Variants in NLRP5 observed in about 807,000 individuals in gnomAD.
The protein encoded by NLRP5 is NACHT, LRR and PYD domains-containing protein 5.
NLRP5 carries 93 observed loss-of-function variants against 113.1 expected under a neutral mutation model. The observed-to-expected ratio is 0.82, with a 90% CI of 0.70 to 0.98. The LOEUF is 0.98. Among genes scored for constraint, NLRP5 ranks in the 50% least tolerant of loss-of-function variants. The probability of loss-of-function intolerance (pLI) is 0.00; values close to 1 mark genes in which losing one functional copy is unlikely to be tolerated. For synonymous variants in NLRP5, 751 were observed against 600.7 expected, an observed-to-expected ratio of 1.25 and a Z score of -3.66; for missense variants, 1,808 against 1,514.3, an observed-to-expected ratio of 1.19 and a Z score of -3.22.
rs76534455 is a variant in NLRP5 at position 56,021,983 on chromosome 19, G to A, written c.679+1552G>A. 2.1e-4 allele frequency among the ~76,000 whole-genome samples: 32 copies of A among 152,252 alleles called. No individual in the cohort carries two copies. In the East Asian group the frequency reaches 5.8e-3, roughly 28 times the overall value. ...TTGAGCTCTGAGACAGCTTCAAGCT[G>A]GGCTATTATCCCACCTGTGCAATGT... On this transcript the variant is annotated intron_variant, in intron 6 of 14. Transcript: ENST00000390649.
At chr19:56,020,882 T>G (rs1982586570) in intron 6 of NLRP5, among the ~76,000 whole-genome samples, 1 of 151,890 alleles carries the variant, frequency 6.6e-6, no homozygotes, top group Admixed American at 6.6e-5. Context: ...GCATTTTTTT[T>G]TTTTTTTTTG....
At chr19:56,050,686 T>C in intron 12 of NLRP5, 98 bp downstream of exon 12, 2 of 1,191,462 alleles carry the variant, frequency 1.7e-6, no homozygotes, top group East Asian at 4.9e-5. Context: ...AACCAAAAAC[T>C]GCTTTCAGGG....
intron 13 of NLRP5, among the ~76,000 whole-genome samples, chr19:56,054,707 T>A (rs1390395173): frequency 2.6e-5 from 4 of 152,090 alleles, no homozygotes; most frequent in Non-Finnish European, 5.9e-5. Context: ...AACAGTCAAG[T>A]TCGTACATAA....
chr19:56,005,255 TTA>T (rs938274084), intron 2 of NLRP5, among the ~76,000 whole-genome samples: 140 of 122,674 alleles, frequency 1.1e-3, no homozygotes, highest in Non-Finnish European at 1.6e-3. Context: ...ACATATATAT[TTA>T]TATATACACA....
chr19:56,031,354 A>AT lies in NLRP5; in HGVS notation c.2277-1255dup, dbSNP rs987222687. ...CAAAGTAGAATCATGAGCCCAGTGTATTGGTGGCTCACGCCTGTCATCCCA... is the reference window on the plus strand; with the variant it reads ...CAAAGTAGAATCATGAGCCCAGTGTATTTGGTGGCTCACGCCTGTCATCCCA... On this transcript the variant is annotated intron_variant, in intron 7 of 14. Transcript: ENST00000390649. Among the ~76,000 whole-genome samples, 31 of 151,988 alleles carry AT rather than the reference A, an allele frequency of 2.0e-4. 1 individual carries two copies. Among genetic ancestry groups the AT allele is most frequent in the Admixed American group, 7.2e-4 (11 of 15,244 alleles).
intron 9 of NLRP5, among the ~76,000 whole-genome samples, chr19:56,037,242 G>A (rs765732769): frequency 2.1e-4 from 32 of 152,120 alleles, no homozygotes; most frequent in Admixed American, 1.6e-3. Flanking sequence ...CCGGAAGCTC[G>A]TGCCCTTCAG....
At chr19:56,010,742 C>CCAAAAAAAAAA (rs1555764914) in intron 3 of NLRP5, among the ~76,000 whole-genome samples, 2 of 41,278 alleles carry the variant, frequency 4.8e-5, no homozygotes, top group African/African-American at 2.1e-4. Flanking sequence ...AACTCTGTCT[C>CCAAAAAAAAAA]AAAAAAAAAA....
rs1254585814 is a variant in NLRP5 at position 56,019,207 on chromosome 19, G to C, written c.566-135G>C. 4.2e-6 allele frequency: 4 copies of C among 961,944 alleles called. No individual in the cohort carries two copies. In the Admixed American group the frequency reaches 8.9e-5, roughly 21 times the overall value. 59.6% of individuals were successfully genotyped at this position (961,944 alleles called of 1,614,324 possible). ...TTGTACCAGTGCACTCTGTCTTCTA[G>C]CTGAGACAGTGGTTGCCATGTTTTC... On this transcript the variant is annotated intron_variant, in intron 4 of 14. Transcript: ENST00000390649.
In NLRP5 at chr19:56,036,252, A is replaced by G. The variant is rs182973995; in HGVS notation, c.2616-1773A>G. On this transcript the variant is annotated intron_variant, in intron 9 of 14. Coordinates refer to ENST00000390649, the MANE Select transcript of NLRP5 (RefSeq NM_153447.4). ...CTAATTTTTTTGTATTTTTTTAAGT[A>G]GAGACAGGGTTTCACCAGGTTAGCC... Among the ~76,000 whole-genome samples the G allele has an allele frequency of 4.8e-3, 733 of 151,704 alleles. 8 individuals carry two copies. The highest frequency in any genetic ancestry group is 0.017 in the African/African-American group (693 of 41,382).
chr19:56,027,911 G>C lies in NLRP5; in HGVS notation c.1678G>C (p.Glu560Gln). ...CATGGTTCAAGGACTCGGGGAGTCTGAGCTCCGTGCTCTGTTTCACATGAA... is the reference window on the plus strand; with the variant it reads ...CATGGTTCAAGGACTCGGGGAGTCTCAGCTCCGTGCTCTGTTTCACATGAA... Residue 560 changes from glutamate to glutamine, a missense_variant, in exon 7 of 15, where the codon GAG (glutamate) becomes CAG (glutamine). Transcript: ENST00000390649. 1 of 1,613,814 alleles carries C rather than the reference G, an allele frequency of 6.2e-7. No homozygotes were observed. The highest frequency in any genetic ancestry group is 8.5e-7 in the Non-Finnish European group (1 of 1,179,816).
intron 11 of NLRP5, among the ~76,000 whole-genome samples, chr19:56,043,294 C>A (rs1166140754): frequency 2.0e-5 from 3 of 151,996 alleles, no homozygotes; most frequent in African/African-American, 7.3e-5. Flanking sequence ...TTGATTATGG[C>A]CATTCTTGCA....
chr19:56,019,651 G>T (rs199475767), intron 5 of NLRP5, among the ~76,000 whole-genome samples: 1 of 152,014 alleles, frequency 6.6e-6, no homozygotes, highest in African/African-American at 2.4e-5. Flanking sequence ...TAGGGGACTC[G>T]AATCAATCAC....
At chr19:56,031,346 C>G (rs1442202422) in intron 7 of NLRP5, among the ~76,000 whole-genome samples, 5 of 152,046 alleles carry the variant, frequency 3.3e-5, no homozygotes, top group Admixed American at 3.3e-4. Context: ...GAATCATGAG[C>G]CCAGTGTATT....
intron 11 of NLRP5, among the ~76,000 whole-genome samples, chr19:56,042,862 T>G (rs549382113): frequency 6.6e-6 from 1 of 152,366 alleles, no homozygotes; most frequent in East Asian, 1.9e-4. Flanking sequence ...TGGTTTTCCA[T>G]TCCTGAGTTA....
Position 56,053,819 on chromosome 19 carries a change from G to A in NLRP5, c.3299+11G>A, listed in dbSNP as rs776651857. ...TCTGGCGAGACTCGGGTAACTTCCT[G>A]GGGCGCCTCTTTGCGGGCCGGGCTG... On this transcript the variant is annotated intron_variant, in intron 13 of 14. Transcript: ENST00000390649. The A allele has an allele frequency of 4.3e-6, 7 of 1,610,546 alleles. No homozygotes were observed. The highest frequency in any genetic ancestry group is 5.9e-6 in the Non-Finnish European group (7 of 1,177,482).
At chr19:56,005,989 C>T (rs1405985650) in intron 2 of NLRP5, among the ~76,000 whole-genome samples, 20 of 152,142 alleles carry the variant, frequency 1.3e-4, no homozygotes, top group Admixed American at 1.3e-3. Context: ...TAACATTCAT[C>T]TACCGTGGCA....
intron 6 of NLRP5, among the ~76,000 whole-genome samples, chr19:56,021,751 G>A (rs1982625574): frequency 6.6e-6 from 1 of 152,116 alleles, no homozygotes; most frequent in South Asian, 2.1e-4. Flanking sequence ...CTCACTTTGG[G>A]GCTGTTAACA....
chr19:55,991,182 C>T, the NLRP5 span, among the ~76,000 whole-genome samples: 1 of 152,060 alleles, frequency 6.6e-6, no homozygotes, highest in African/African-American at 2.4e-5. Context: ...TTATACCATT[C>T]GATTGAGACC....
intron 11 of NLRP5, among the ~76,000 whole-genome samples, chr19:56,048,803 A>T (rs973678146): frequency 6.6e-6 from 1 of 151,946 alleles, no homozygotes; most frequent in African/African-American, 2.4e-5. Context: ...TTATGCACCC[A>T]AATATGTTTT....
Sources: gnomAD v4.1 joint callset for allele counts (sites outside exome capture counted in the v4.1 genomes callset) on GRCh38, gnomAD v4.1.1 for gene constraint, MANE v1.5 for transcripts, NCBI Gene and HGNC (gene_info 2026-07-23, HGNC 2026-07-21) for gene names.